The following ENSA variants were observed in gnomAD, a reference collection of about 807,000 sequenced individuals.
The protein encoded by ENSA is endosulfine alpha.
In ENSA, 7 loss-of-function variants were observed where a neutral mutation model predicts 16.8. That is an observed-to-expected ratio of 0.42 (90% CI 0.24 to 0.78). ENSA has a LOEUF of 0.78. Ranked by LOEUF, ENSA falls within the 30% of genes least tolerant of loss-of-function variation. ENSA has a pLI of 0.29. For synonymous variants in ENSA, 58 were observed against 53.4 expected, an observed-to-expected ratio of 1.09 and a Z score of -0.37; for missense variants, 87 against 142.3, an observed-to-expected ratio of 0.61 and a Z score of 1.98.
rs997370254 is a variant in ENSA, at chr1:150,626,474, C to T, written c.184-666G>A. On this transcript the variant is annotated intron_variant, in intron 2 of 3. Coordinates refer to ENST00000369014, the MANE Select transcript of ENSA (RefSeq NM_004436.4). ...TGGGATCCTCCACAGGGATGTTTCA[C>T]CCACCATTTCATCCGCACAGAGAAG... 1.2e-5 allele frequency: 20 copies of T among 1,611,384 alleles called. No homozygotes were observed. In the African/African-American group the frequency reaches 2.4e-4, roughly 19 times the overall value.
At chr1:150,623,713 A>C in intron 3 of ENSA, 1 of 985,842 alleles carries the variant, frequency 1.0e-6, no homozygotes, top group African/African-American at 1.7e-5. Flanking sequence ...AATGGTGTTC[A>C]GCATTTTCCC....
intron 1 of ENSA, chr1:150,629,121 C>T (rs757987232): frequency 6.2e-7 from 1 of 1,614,062 alleles, no homozygotes; most frequent in Non-Finnish European, 8.5e-7. Context: ...TTCCATTCAC[C>T]GTCTTTCCAA....
intron 3 of ENSA, among the ~76,000 whole-genome samples, chr1:150,623,071 T>TA (rs1448244952): frequency 6.6e-6 from 1 of 152,196 alleles, no homozygotes; most frequent in African/African-American, 2.4e-5. Flanking sequence ...GAAACAACGT[T>TA]ATCTGCCTTT....
intron 1 of ENSA, chr1:150,628,978 G>T (rs587646347): frequency 1.9e-5 from 28 of 1,454,730 alleles, no homozygotes; most frequent in Admixed American, 1.0e-4. Context: ...CCCAATACTG[G>T]TTTTTTTTTA....
chr1:150,624,926 C>T, intron 3 of ENSA: 1 of 978,346 alleles, frequency 1.0e-6, no homozygotes. Context: ...AGTGAGAACC[C>T]AGATATCTTG....
chr1:150,621,485 G>C (rs2101730894), downstream of ENSA: 1 of 152,394 alleles, frequency 6.6e-6, no homozygotes, highest in East Asian at 1.9e-4. Context: ...TGTTGGCTAG[G>C]CTGGTCTCAA....
At chr1:150,625,909 C>T (rs897513322) in intron 2 of ENSA, 101 bp from the exon 3 acceptor site, 8 of 1,458,300 alleles carry the variant, frequency 5.5e-6, no homozygotes, top group South Asian at 3.1e-5. Context: ...CATGCACACT[C>T]GGATCTTTCA....
At chr1:150,625,931 T>C in intron 2 of ENSA, 123 bp from the exon 3 acceptor site, 1 of 1,414,750 alleles carries the variant, frequency 7.1e-7, no homozygotes, top group Admixed American at 3.0e-5. Context: ...GAAGTCTTCC[T>C]TGATTAACCT....
rs995088435 is a variant in ENSA, at chr1:150,623,528, T to C, written c.351-669A>G. On this transcript the variant is annotated intron_variant, in intron 3 of 3. Coordinates refer to ENST00000369014, the MANE Select transcript of ENSA (RefSeq NM_004436.4). The stretch of plus-strand genomic sequence containing the variant: ...AAATCAGACTCATTGTGACCAGTAG[T>C]CTTGAGGACTCAAGCTGAATGATAG... 3.3e-5 allele frequency: 33 copies of C among 985,504 alleles called. No homozygotes were observed. The African/African-American group carries it at 5.6e-4, about 17-fold the overall frequency. 61.0% of individuals were successfully genotyped at this position (985,504 alleles called of 1,614,324 possible).
Position 150,625,686 on chromosome 1 carries a change from A to G in ENSA, c.306T>C (p.Asp102=). The change falls in exon 3 of 4, where the codon GAT becomes GAC. Residue 102 remains aspartate, a synonymous_variant. Transcript: ENST00000369014. ...VTGDHIPTPQ[D]LPQRKSSLVT... The stretch of plus-strand genomic sequence containing the variant: ...CGAGCGAGGACTTTCTCTGGGGCAG[A>G]TCCTGTGGGGTGGGGATGTGATCAC... 6.2e-7 allele frequency: 1 copy of G among 1,612,494 alleles called. No individual in the cohort carries two copies. Among genetic ancestry groups the G allele is most frequent in the Non-Finnish European group, 8.5e-7 (1 of 1,179,312 alleles).
Position 150,625,676 on chromosome 1 carries a change from T to G in ENSA, c.316A>C (p.Arg106=), listed in dbSNP as rs752396164. Residue 106 remains arginine, a synonymous_variant, in exon 3 of 4, where the codon AGA becomes CGA. Coordinates refer to ENST00000369014, the MANE Select transcript of ENSA (RefSeq NM_004436.4). ...HIPTPQDLPQ[R]KSSLVTSKLA... ...TTGCTGGTGACGAGCGAGGACTTTC[T>G]CTGGGGCAGATCCTGTGGGGTGGGG... is the stretch of plus-strand genomic sequence containing the variant. 8 of 1,611,054 alleles carry G rather than the reference T, an allele frequency of 5.0e-6. No homozygotes were observed. Among genetic ancestry groups the G allele is most frequent in the East Asian group, 2.2e-5 (1 of 44,656 alleles).
In ENSA at chr1:150,625,764, C is replaced by T; in HGVS notation, c.228G>A (p.Lys76=). The T allele has an allele frequency of 6.2e-7, 1 of 1,612,022 alleles. No individual in the cohort carries two copies. The highest frequency in any genetic ancestry group is 1.1e-5 in the South Asian group (1 of 90,646). Residue 76 remains lysine, a synonymous_variant, in exon 3 of 4, where the codon AAG becomes AAA. Transcript: ENST00000369014. ...CACTTGGCAGCTGCTTATTCTTCAT[C>T]TTGGCTTTGGCCATGTTGTAGTCTC... ...DSGDYNMAKA[K]MKNKQLPSAG... is the part of the protein sequence containing the mutation.
chr1:150,624,661 C>T lies in ENSA; in HGVS notation c.350+981G>A, dbSNP rs587706412. The T allele has an allele frequency of 1.8e-4, 175 of 985,552 alleles. 3 individuals are homozygous for T. The South Asian group carries it at 7.7e-3, about 43-fold the overall frequency. The allele number at this position is 985,552 out of a possible 1,614,324, so 61.1% of individuals were successfully genotyped here. On this transcript the variant is annotated intron_variant, in intron 3 of 3. Transcript: ENST00000369014. ...TCCCCAAACCTCAATTTACTCTCTC[C>T]TCATGTATCCCTCAAATGGTTCCCC...
At chr1:150,625,459 C>G in intron 3 of ENSA, 183 bp downstream of exon 3, 1 of 1,312,454 alleles carries the variant, frequency 7.6e-7, no homozygotes, top group Non-Finnish European at 9.7e-7. Context: ...GTCAATCTAA[C>G]GAAATAAATA....
chr1:150,629,530 G>A lies in ENSA; in HGVS notation c.-60C>T. 6.3e-7 allele frequency: 1 copy of A among 1,587,688 alleles called. No individual in the cohort carries two copies. The highest frequency in any genetic ancestry group is 8.6e-7 in the Non-Finnish European group (1 of 1,167,804). ...GGAAGGCAACCGGAGAAGGGAAGGG[G>A]GAGGGGAAACGGGGACAACCTGCGC... On this transcript the variant is annotated 5_prime_UTR_variant, in exon 1 of 4. Transcript: ENST00000369014.
intron 1 of ENSA, 157 bp downstream of exon 1, chr1:150,629,257 A>T: frequency 6.6e-7 from 1 of 1,513,356 alleles, no homozygotes; most frequent in Non-Finnish European, 9.0e-7. Flanking sequence ...CCAGCGCCAA[A>T]GCAGCATGTC....
intron 1 of ENSA, 35 bp downstream of exon 1, chr1:150,629,379 C>T: frequency 6.2e-7 from 1 of 1,606,110 alleles, no homozygotes; most frequent in Non-Finnish European, 8.5e-7. Context: ...ATCACGGTCT[C>T]CCCAGCTCGC....
In ENSA at chr1:150,625,505, C is replaced by T. The variant is rs191186947; in HGVS notation, c.350+137G>A. 29 of 1,395,170 alleles carry T rather than the reference C, an allele frequency of 2.1e-5. No homozygotes were observed. In the Admixed American group the frequency reaches 3.3e-4, roughly 16 times the overall value. The allele number at this position is 1,395,170 out of a possible 1,614,324, so 86.4% of individuals were successfully genotyped here. On this transcript the variant is annotated intron_variant, in intron 3 of 3. Transcript: ENST00000369014. ...CCCTTTTCAACCTACATTACCTTCT[C>T]AGCAGCCCCCAGCAGAATCACAGTC...
intron 1 of ENSA, 25 bp downstream of exon 1, chr1:150,629,389 C>A: frequency 6.2e-7 from 1 of 1,608,568 alleles, no homozygotes; most frequent in South Asian, 1.1e-5. Flanking sequence ...CCCCAGCTCG[C>A]CCGCCCGCAC....
Sources: gnomAD v4.1 joint callset for allele counts (sites outside exome capture counted in the v4.1 genomes callset) on GRCh38, gnomAD v4.1.1 for gene constraint, MANE v1.5 for transcripts, NCBI Gene and HGNC (gene_info 2026-07-23, HGNC 2026-07-21) for gene names.